The following ADGRE2 variants were observed in gnomAD, a reference collection of about 807,000 sequenced individuals.
ADGRE2 encodes adhesion G protein-coupled receptor E2, also known as CD97 antigen.
A neutral mutation model predicts 100.8 loss-of-function variants in ADGRE2; 83 were observed. The ratio of observed to expected loss-of-function variants is 0.82; its 90% CI spans 0.69 to 0.99. The LOEUF is 0.99. ADGRE2 is among the 50% of genes least tolerant of loss of function. ADGRE2 has a pLI of 0.00. For missense variants in ADGRE2, 814 were observed against 1,035.7 expected (o/e 0.79, Z 2.94); for synonymous variants, 355 against 413.0 (o/e 0.86, Z 1.70).
chr19:14,729,434 C>T (rs1162286242), downstream of ADGRE2, among the ~76,000 whole-genome samples: 2 of 152,012 alleles, frequency 1.3e-5, no homozygotes, highest in African/African-American at 4.8e-5. Flanking sequence ...TCACAGCTCA[C>T]TGCAGCCTCA....
At position 14,736,231 on chromosome 19, in the gene ADGRE2, T is replaced by C. The variant is rs1599772691; in HGVS notation, c.*5A>G. 6.3e-7 allele frequency: 1 copy of C among 1,580,862 alleles called. No homozygotes were observed. Among genetic ancestry groups the C allele is most frequent in the Admixed American group, 1.7e-5 (1 of 59,742 alleles). ...AAGAGGGAAGATCTTATTCAGAAGA[T>C]TTTTCTAGTTAACCTGAAATATATA... On this transcript the variant is annotated 3_prime_UTR_variant, in exon 21 of 21. Coordinates refer to ENST00000315576, the MANE Select transcript of ADGRE2 (RefSeq NM_013447.4).
In ADGRE2 at chr19:14,765,864, G is replaced by A. The variant is rs534372376; in HGVS notation, c.635-60C>T. 2.6e-4 allele frequency: 411 copies of A among 1,611,432 alleles called. 1 individual carries two copies. The African/African-American group carries it at 4.8e-3, about 19-fold the overall frequency. The stretch of plus-strand genomic sequence containing the variant: ...CAGCCTGGAGAGGGTCCTGTCTCCT[G>A]TCTGTGCCCCCAGCTCGTTCCTCCC... On this transcript the variant is annotated intron_variant, in intron 7 of 20. Coordinates refer to ENST00000315576, the MANE Select transcript of ADGRE2 (RefSeq NM_013447.4).
chr19:14,730,675 T>G (rs1427474830), downstream of ADGRE2, among the ~76,000 whole-genome samples: 1 of 152,182 alleles, frequency 6.6e-6, no homozygotes, highest in East Asian at 1.9e-4. Context: ...TCAACTTTTA[T>G]TTTTAGATTC....
intron 20 of ADGRE2, among the ~76,000 whole-genome samples, chr19:14,737,197 TTC>T (rs1352473080): frequency 1.3e-5 from 2 of 151,238 alleles, no homozygotes. Context: ...TTTTTTTTTT[TTC>T]TTTTTAGAGA....
intron 20 of ADGRE2, among the ~76,000 whole-genome samples, chr19:14,738,994 A>C (rs1307578745): frequency 3.0e-5 from 4 of 132,100 alleles, no homozygotes; most frequent in Non-Finnish European, 6.2e-5. Flanking sequence ...TTTGAGACAT[A>C]GTCTCACTCT....
At chr19:14,753,099 G>T (rs2043354507) in intron 14 of ADGRE2, among the ~76,000 whole-genome samples, 2 of 151,742 alleles carry the variant, frequency 1.3e-5, no homozygotes, top group African/African-American at 4.8e-5. Flanking sequence ...GTAGAGACAG[G>T]GTCTTTCTGT....
intron 5 of ADGRE2, among the ~76,000 whole-genome samples, chr19:14,770,669 CTTTTTTTTTTTTTTTTTTT>C (rs775214778): frequency 3.5e-5 from 3 of 85,012 alleles, no homozygotes; most frequent in Non-Finnish European, 6.9e-5. Flanking sequence ...TCTTTCTTTT[CTTTTTTTTTTTTTTTTTTT>C]TTTTTTTTTG....
chr19:14,758,258 T>G (rs150855985), intron 11 of ADGRE2, among the ~76,000 whole-genome samples: 1 of 152,238 alleles, frequency 6.6e-6, no homozygotes, highest in Non-Finnish European at 1.5e-5. Context: ...GAAAATATTT[T>G]GCAAATCATT....
Position 14,736,148 on chromosome 19 carries a change from CAA to C in ADGRE2, c.*86_*87del, listed in dbSNP as rs1479293864. ...GGTGAATTTCTTGAAACACACAGAA[CAA>C]AGTCTTTTCTTTCCCCTCTAGATGG... On this transcript the variant is annotated 3_prime_UTR_variant, in exon 21 of 21. Transcript: ENST00000315576. 2 of 1,257,970 alleles carry C rather than the reference CAA, an allele frequency of 1.6e-6. No individual in the cohort carries two copies. Among genetic ancestry groups the C allele is most frequent in the African/African-American group, 3.0e-5 (2 of 66,762 alleles). The allele number at this position is 1,257,970 out of a possible 1,614,324, so 77.9% of individuals were successfully genotyped here.
At chr19:14,754,241 T>C (rs979299698) in intron 14 of ADGRE2, among the ~76,000 whole-genome samples, 1 of 151,806 alleles carries the variant, frequency 6.6e-6, no homozygotes, top group Admixed American at 6.6e-5. Flanking sequence ...CGTGGGACCT[T>C]GTGATCATGT....
chr19:14,759,977 C>T (rs1041667035), intron 11 of ADGRE2, among the ~76,000 whole-genome samples: 93 of 152,146 alleles, frequency 6.1e-4, no homozygotes, highest in Non-Finnish European at 2.4e-4. Flanking sequence ...CGCCACCACG[C>T]CTGGCTAATT....
At chr19:14,744,328 C>T (rs959882457) in intron 18 of ADGRE2, among the ~76,000 whole-genome samples, 2 of 152,168 alleles carry the variant, frequency 1.3e-5, no homozygotes, top group South Asian at 2.1e-4. Context: ...ATCACCAATA[C>T]AACCAGGCAT....
intron 20 of ADGRE2, among the ~76,000 whole-genome samples, chr19:14,740,686 A>G (rs11880451): frequency 0.084 from 12,742 of 151,838 alleles, 1,865 homozygotes; most frequent in African/African-American, 0.29. Flanking sequence ...AATGTGGAAA[A>G]AGTGCCTGGC....
Position 14,734,933 on chromosome 19 carries a change from C to T in ADGRE2, c.*1303G>A, listed in dbSNP as rs546207187. 4 of 152,280 alleles carry T rather than the reference C, an allele frequency of 2.6e-5. No individual in the cohort carries two copies. The highest frequency in any genetic ancestry group is 5.9e-5 in the Non-Finnish European group (4 of 68,128). The allele number at this position is 152,280 out of a possible 1,614,324, so 9.4% of individuals were successfully genotyped here. On this transcript the variant is annotated 3_prime_UTR_variant, in exon 21 of 21. Coordinates refer to ENST00000315576, the MANE Select transcript of ADGRE2 (RefSeq NM_013447.4). ...ACCCTAATCTTATTATGCAAATGAG[C>T]TTTGGCTGACACTATGTTGCCTGCT...
downstream of ADGRE2, among the ~76,000 whole-genome samples, chr19:14,729,074 C>T (rs990345944): frequency 1.3e-5 from 2 of 152,020 alleles, no homozygotes; most frequent in Admixed American, 6.6e-5. Context: ...AATGCGTGAC[C>T]GAGGGAACAG....
At chr19:14,757,328 C>T (rs2043536278) in intron 11 of ADGRE2, among the ~76,000 whole-genome samples, 1 of 152,086 alleles carries the variant, frequency 6.6e-6, no homozygotes, top group African/African-American at 2.4e-5. Context: ...CAATGCAATC[C>T]CTATCAATAT....
rs2286363 is a variant in ADGRE2, at chr19:14,776,877, G to C, written c.-121C>G. The C allele has an allele frequency of 0.024, 37,064 of 1,535,770 alleles. 776 individuals carry two copies. Among genetic ancestry groups the C allele is most frequent in the African/African-American group, 0.09 (6,535 of 72,306 alleles). On this transcript the variant is annotated 5_prime_UTR_variant, in exon 2 of 21. Coordinates refer to ENST00000315576, the MANE Select transcript of ADGRE2 (RefSeq NM_013447.4). ...CCGAGGCCAGGACTTTATAAAGGAG[G>C]GGGGGCGGACAGCCGCTGGCCCAGG...
At position 14,751,931 on chromosome 19, in the gene ADGRE2, ATTTTTT is replaced by A. The variant is rs199828270; in HGVS notation, c.1789-266_1789-261del. ...CACACACATATATATATATATATAT[ATTTTTT>A]TTTTTTTTTTTTTGAGACGGAATTT... On this transcript the variant is annotated intron_variant, in intron 15 of 20. Transcript: ENST00000315576. 5.5e-3 allele frequency among the ~76,000 whole-genome samples: 735 copies of A among 133,642 alleles called. 7 individuals carry two copies. Among genetic ancestry groups the A allele is most frequent in the East Asian group, 0.032 (147 of 4,622 alleles). The allele number at this position is 133,642 out of a possible 152,430, so 87.7% of individuals were successfully genotyped here. A position where few individuals can be genotyped will look rare whatever the true frequency, so the allele number is the denominator to read the frequency against.
intron 4 of ADGRE2, 84 bp from the exon 5 acceptor site, chr19:14,772,581 G>T (rs2044251851): frequency 6.6e-7 from 1 of 1,505,098 alleles, no homozygotes; most frequent in East Asian, 2.4e-5. Context: ...TCCCCAACAT[G>T]GGGCCTGCTG....
Sources: gnomAD v4.1 joint callset for allele counts (sites outside exome capture counted in the v4.1 genomes callset) on GRCh38, gnomAD v4.1.1 for gene constraint, MANE v1.5 for transcripts, NCBI Gene and HGNC (gene_info 2026-07-23, HGNC 2026-07-21) for gene names.